Variants in BCAR3 observed in about 807,000 individuals in gnomAD.
The protein encoded by BCAR3 is breast cancer anti-estrogen resistance protein 3.
BCAR3 carries 37 observed loss-of-function variants against 80.1 expected under a neutral mutation model. The observed-to-expected ratio is 0.46, with a 90% CI of 0.36 to 0.61. The LOEUF is 0.61. Ranked by LOEUF, BCAR3 falls within the 20% of genes least tolerant of loss-of-function variation. The pLI is 0.00. For synonymous variants in BCAR3, 389 were observed against 418.9 expected, an observed-to-expected ratio of 0.93 and a Z score of 0.87; for missense variants, 978 against 1,068.2, an observed-to-expected ratio of 0.92 and a Z score of 1.18.
At position 93,589,430 on chromosome 1, in the gene BCAR3, A is replaced by G. The variant is rs774591378; in HGVS notation, c.487-11T>C. On this transcript the variant is annotated splice_polypyrimidine_tract_variant and intron_variant, in intron 4 of 11. Coordinates refer to ENST00000260502, the MANE Select transcript of BCAR3 (RefSeq NM_003567.4). The stretch of plus-strand genomic sequence containing the variant: ...AAGGTTTTCAGACACCTTTGGGACA[A>G]AAAGGTGAGTGAGGAGTAGGAAAGG... 10 of 1,602,202 alleles carry G rather than the reference A, an allele frequency of 6.2e-6. No homozygotes were observed. Among genetic ancestry groups the G allele is most frequent in the Non-Finnish European group, 7.7e-6 (9 of 1,176,328 alleles).
intron 3 of BCAR3, chr1:93,614,041 A>T: frequency 2.1e-6 from 3 of 1,459,590 alleles, no homozygotes; most frequent in Non-Finnish European, 2.7e-6. Flanking sequence ...TTCTGCCCAG[A>T]AGTCAGGGAA....
At chr1:93,701,063 G>T (rs928691515) in intron 3 of BCAR3, among the ~76,000 whole-genome samples, 3 of 152,212 alleles carry the variant, frequency 2.0e-5, no homozygotes, top group Non-Finnish European at 4.4e-5. Context: ...GTGACCTTGG[G>T]CAAATTCCTT....
chr1:93,568,070 C>A lies in BCAR3; in HGVS notation c.1975-219G>T, dbSNP rs1028073008. ...GCGTGGTGGCGTGTGCCTGTAATCC[C>A]AGCTACTCGGGAGGTTGAGGCGGGA... On this transcript the variant is annotated intron_variant, in intron 9 of 11. Coordinates refer to ENST00000260502, the MANE Select transcript of BCAR3 (RefSeq NM_003567.4). 15 of 429,980 alleles carry A rather than the reference C, an allele frequency of 3.5e-5. No homozygotes were observed. The Admixed American group carries it at 4.7e-4, about 13-fold the overall frequency. The allele number at this position is 429,980 out of a possible 1,614,324, so 26.6% of individuals were successfully genotyped here. A position where few individuals can be genotyped will look rare whatever the true frequency, so the allele number is the denominator to read the frequency against.
chr1:93,840,706 T>C (rs1163027150), intron 2 of BCAR3, among the ~76,000 whole-genome samples: 1 of 152,162 alleles, frequency 6.6e-6, no homozygotes, highest in Non-Finnish European at 1.5e-5. Context: ...TCAGGCATCA[T>C]TTATGGAGTG....
chr1:93,650,447 C>T (rs1252389786), intron 2 of BCAR3, among the ~76,000 whole-genome samples: 1 of 152,194 alleles, frequency 6.6e-6, no homozygotes, highest in African/African-American at 2.4e-5. Context: ...ATAATGAACA[C>T]AGGCTATAAA....
intron 3 of BCAR3, among the ~76,000 whole-genome samples, chr1:93,687,903 A>G (rs981641891): frequency 1.3e-5 from 2 of 152,266 alleles, no homozygotes; most frequent in Admixed American, 1.3e-4. Flanking sequence ...TGCTTAAGCT[A>G]TCACCAAGGA....
chr1:93,825,888 C>T (rs1035907949), intron 2 of BCAR3, among the ~76,000 whole-genome samples: 3 of 152,192 alleles, frequency 2.0e-5, no homozygotes, highest in South Asian at 2.1e-4. Flanking sequence ...TGCCCACATG[C>T]CAGCTCTCAT....
At chr1:93,785,110 G>C (rs549966432) in intron 2 of BCAR3, among the ~76,000 whole-genome samples, 10 of 152,330 alleles carry the variant, frequency 6.6e-5, no homozygotes, top group African/African-American at 2.4e-4. Flanking sequence ...ACAGCTGAAG[G>C]TGTCCTTCAA....
chr1:93,659,081 G>A (rs1160877406), intron 2 of BCAR3, among the ~76,000 whole-genome samples: 1 of 152,168 alleles, frequency 6.6e-6, no homozygotes, highest in Non-Finnish European at 1.5e-5. Context: ...AGAATCCAGA[G>A]GCTTCACCCC....
chr1:93,563,520 T>C (rs189816567), intron 11 of BCAR3, among the ~76,000 whole-genome samples: 1 of 152,190 alleles, frequency 6.6e-6, no homozygotes, highest in African/African-American at 2.4e-5. Context: ...TGTGTGGACA[T>C]GTGTTTTCAT....
intron 2 of BCAR3, among the ~76,000 whole-genome samples, chr1:93,663,789 T>TGG (rs1224660730): frequency 6.6e-6 from 1 of 152,166 alleles, no homozygotes; most frequent in Non-Finnish European, 1.5e-5. Context: ...ATTACCACAC[T>TGG]GGGGGAATCC....
chr1:93,774,376 C>G (rs945039813), intron 2 of BCAR3, among the ~76,000 whole-genome samples: 5 of 151,240 alleles, frequency 3.3e-5, no homozygotes, highest in Admixed American at 2.6e-4. Flanking sequence ...CCCAGCCACT[C>G]AGGAGTCTGA....
intron 3 of BCAR3, among the ~76,000 whole-genome samples, chr1:93,699,322 G>C (rs937200562): frequency 2.0e-5 from 3 of 152,184 alleles, no homozygotes; most frequent in African/African-American, 7.2e-5. Flanking sequence ...AACAGAAAAA[G>C]TTTGAAGAGT....
At chr1:93,670,006 G>A (rs1268570304) in intron 2 of BCAR3, among the ~76,000 whole-genome samples, 3 of 152,040 alleles carry the variant, frequency 2.0e-5, no homozygotes, top group Non-Finnish European at 4.4e-5. Flanking sequence ...TGGGTGATGG[G>A]TGCACCAAAA....
At chr1:93,566,700 C>T (rs1672966490) in intron 11 of BCAR3, among the ~76,000 whole-genome samples, 1 of 152,180 alleles carries the variant, frequency 6.6e-6, no homozygotes, top group African/African-American at 2.4e-5. Context: ...CTTTTCTAAT[C>T]TCACCTATTA....
chr1:93,652,542 C>T (rs1676356107), intron 2 of BCAR3, among the ~76,000 whole-genome samples: 1 of 152,150 alleles, frequency 6.6e-6, no homozygotes, highest in African/African-American at 2.4e-5. Context: ...TTACACAAGA[C>T]TGTACAGCAA....
At chr1:93,834,797 G>C (rs1654705836) in intron 2 of BCAR3, among the ~76,000 whole-genome samples, 1 of 152,124 alleles carries the variant, frequency 6.6e-6, no homozygotes, top group Non-Finnish European at 1.5e-5. Context: ...ACTCTTTGTT[G>C]AGTCTCCCAC....
intron 2 of BCAR3, among the ~76,000 whole-genome samples, chr1:93,772,061 G>A (rs542093537): frequency 7.2e-5 from 11 of 152,306 alleles, no homozygotes; most frequent in Admixed American, 7.2e-4. Context: ...AAGGGAACAA[G>A]TGAAATATGA....
intron 11 of BCAR3, among the ~76,000 whole-genome samples, chr1:93,564,162 T>A (rs1234619199): frequency 6.6e-6 from 1 of 152,214 alleles, no homozygotes; most frequent in African/African-American, 2.4e-5. Context: ...TCTATTTAAA[T>A]TTTATCTTCT....
Sources: allele counts gnomAD v4.1 joint callset (sites outside exome capture counted in the v4.1 genomes callset), GRCh38; gene constraint gnomAD v4.1.1; transcripts MANE v1.5; gene names NCBI Gene and HGNC (gene_info 2026-07-23, HGNC 2026-07-21).